APBB2: variants seen among roughly 807,000 people sequenced by gnomAD.
APBB2 encodes amyloid beta precursor protein binding family B member 2.
In APBB2, 38 loss-of-function variants were observed where a neutral mutation model predicts 82.5. The observed-to-expected ratio is 0.46, with a 90% confidence interval of 0.36 to 0.60. The LOEUF (loss-of-function observed/expected upper bound fraction) is 0.60. APBB2 is among the 20% of genes least tolerant of loss of function. The probability of loss-of-function intolerance (pLI) is 0.00; values close to 1 mark genes in which losing one functional copy is unlikely to be tolerated. For synonymous variants in APBB2, 341 were observed against 368.2 expected (o/e 0.93, Z 0.85); for missense variants, 772 against 972.3 (o/e 0.79, Z 2.74).
At chr4:40,888,658 G>A (rs969805247) in intron 12 of APBB2, among the ~76,000 whole-genome samples, 3 of 142,996 alleles carry the variant, frequency 2.1e-5, no homozygotes, top group African/African-American at 5.3e-5. Context: ...CCTCGCACAC[G>A]TATGTAATGT....
Position 40,919,475 on chromosome 4 carries a change from T to C in APBB2, c.1254+14981A>G, listed in dbSNP as rs141755768. Reference sequence around the variant, plus strand: ...GTTTATTGCCAGACATTTCCCACTTTAAATTTCTCTGGAAAAAAAGAAATC... The same window carrying C: ...GTTTATTGCCAGACATTTCCCACTTCAAATTTCTCTGGAAAAAAAGAAATC... On this transcript the variant is annotated intron_variant, in intron 10 of 17. Coordinates refer to ENST00000508593, the MANE Select transcript of APBB2 (RefSeq NM_004307.2). Among the ~76,000 whole-genome samples, 991 of 152,358 alleles carry C rather than the reference T, an allele frequency of 6.5e-3. 16 individuals are homozygous for C. The highest frequency in any genetic ancestry group is 0.023 in the African/African-American group (940 of 41,572).
chr4:41,168,036 C>T (rs1044310402), intron 1 of APBB2, among the ~76,000 whole-genome samples: 4 of 151,898 alleles, frequency 2.6e-5, no homozygotes, highest in African/African-American at 9.7e-5. Context: ...TTTGGGAGGC[C>T]GAGGCGGGCG....
intron 10 of APBB2, among the ~76,000 whole-genome samples, chr4:40,914,080 A>G (rs1205898098): frequency 2.6e-5 from 4 of 152,158 alleles, no homozygotes; most frequent in Non-Finnish European, 1.5e-5. Context: ...TACTAAAAAT[A>G]CAAAAATTGG....
At chr4:41,084,923 T>C (rs1238815233) in intron 3 of APBB2, among the ~76,000 whole-genome samples, 1 of 152,114 alleles carries the variant, frequency 6.6e-6, no homozygotes, top group Non-Finnish European at 1.5e-5. Context: ...AGTCATTAAA[T>C]GATTTGTTTG....
intron 12 of APBB2, among the ~76,000 whole-genome samples, chr4:40,845,622 C>T (rs1390471003): frequency 8.2e-5 from 9 of 109,392 alleles, no homozygotes; most frequent in Non-Finnish European, 1.8e-4. Flanking sequence ...AAAACCAGCA[C>T]ACCAGAATGA....
chr4:41,153,279 TA>T (rs1762724190), intron 1 of APBB2, among the ~76,000 whole-genome samples: 2 of 152,120 alleles, frequency 1.3e-5, no homozygotes, highest in South Asian at 4.1e-4. Flanking sequence ...AGAAATACAT[TA>T]AAAAATGTTT....
In APBB2 at chr4:41,004,285, C is replaced by A. The variant is rs527880966; in HGVS notation, c.835+9298G>T. On this transcript the variant is annotated intron_variant, in intron 6 of 17. Transcript: ENST00000508593. The stretch of plus-strand genomic sequence containing the variant: ...TGTTACACCAGCCGTAAGAAACCAA[C>A]AAAACATCTTAACATCTCCTCCTCT... Among the ~76,000 whole-genome samples the A allele has an allele frequency of 2.3e-4, 35 of 152,288 alleles. 2 individuals carry two copies. In the South Asian group the frequency reaches 7.3e-3, roughly 32 times the overall value.
rs972146006 is a variant in APBB2 at position 40,826,981 on chromosome 4, G to C, written c.1732+151C>G. On this transcript the variant is annotated intron_variant, in intron 14 of 17. Coordinates refer to ENST00000508593, the MANE Select transcript of APBB2 (RefSeq NM_004307.2). The surrounding 1 kb of genome is among the most constrained non-coding windows in gnomAD (Gnocchi z 4.5). ...GATGCAAAATCAACTCTGTGCCTCT[G>C]TGAGACCCAGCGTGCAGGCTCAACT... is the stretch of plus-strand genomic sequence containing the variant. The C allele has an allele frequency of 1.3e-5, 9 of 667,906 alleles. No homozygotes were observed. Among genetic ancestry groups the C allele is most frequent in the Admixed American group, 1.1e-4 (4 of 37,870 alleles). 41.4% of individuals were successfully genotyped at this position (667,906 alleles called of 1,614,324 possible).
At chr4:41,032,131 A>T (rs1717061041) in intron 5 of APBB2, among the ~76,000 whole-genome samples, 1 of 152,234 alleles carries the variant, frequency 6.6e-6, no homozygotes, top group African/African-American at 2.4e-5. Context: ...TGTCATATAA[A>T]GGAGAAAACA....
At chr4:41,155,816 T>C (rs1489074322) in intron 1 of APBB2, among the ~76,000 whole-genome samples, 3 of 152,204 alleles carry the variant, frequency 2.0e-5, no homozygotes, top group South Asian at 2.1e-4. Flanking sequence ...CAGACTAGTA[T>C]AGGGTTTGGC....
intron 1 of APBB2, among the ~76,000 whole-genome samples, chr4:41,189,917 G>A (rs992913756): frequency 6.6e-6 from 1 of 152,164 alleles, no homozygotes; most frequent in Non-Finnish European, 1.5e-5. Context: ...GCACCTGCAC[G>A]TTGCCTCAGC....
At chr4:41,133,772 C>A (rs2154008670) in intron 2 of APBB2, among the ~76,000 whole-genome samples, 1 of 152,270 alleles carries the variant, frequency 6.6e-6, no homozygotes, top group South Asian at 2.1e-4. Context: ...AAATTCTAGG[C>A]AGCTCCCAAA....
chr4:40,823,736 T>C lies in APBB2; in HGVS notation c.1840A>G (p.Ile614Val), dbSNP rs767176375. Residue 614 changes from isoleucine to valine, a missense_variant, in exon 16 of 18, where the codon ATA becomes GTA. Transcript: ENST00000508593. ...PVGMDILNSA[I>V]ENLMTSSNKE... ...TTGGATGAGGTCATAAGATTTTCTA[T>C]GGCACTGTTCAAAATATCCATTCCT... is the stretch of plus-strand genomic sequence containing the variant. The C allele has an allele frequency of 3.1e-6, 5 of 1,613,388 alleles. No individual in the cohort carries two copies. The highest frequency in any genetic ancestry group is 3.4e-6 in the Non-Finnish European group (4 of 1,179,764).
At chr4:40,867,059 A>G (rs1394801043) in intron 12 of APBB2, among the ~76,000 whole-genome samples, 3 of 152,180 alleles carry the variant, frequency 2.0e-5, no homozygotes, top group Non-Finnish European at 4.4e-5. Context: ...CACGGCCGAC[A>G]GTGTCCTTTT....
At chr4:41,209,206 G>C (rs1778712540) in intron 1 of APBB2, among the ~76,000 whole-genome samples, 1 of 152,068 alleles carries the variant, frequency 6.6e-6, no homozygotes, top group Non-Finnish European at 1.5e-5. Flanking sequence ...TATTTCAATG[G>C]GATAACAACT....
At chr4:40,948,102 T>G (rs1257498331) in intron 6 of APBB2, among the ~76,000 whole-genome samples, 1 of 152,182 alleles carries the variant, frequency 6.6e-6, no homozygotes, top group East Asian at 1.9e-4. Context: ...AAAAAAAATA[T>G]AATACAATAA....
intron 6 of APBB2, among the ~76,000 whole-genome samples, chr4:40,979,455 A>C (rs1197127649): frequency 6.6e-6 from 1 of 152,160 alleles, no homozygotes; most frequent in Non-Finnish European, 1.5e-5. Context: ...ACTTATTTTT[A>C]TCTCTGAATT....
At position 40,830,608 on chromosome 4, in the gene APBB2, T is replaced by C. The variant is rs760669581; in HGVS notation, c.1530-31A>G. On this transcript the variant is annotated intron_variant, in intron 12 of 17. Transcript: ENST00000508593. Reference sequence around the variant, plus strand: ...CAAGCAAAATGTATCAGTCCATTAGTAAGAGAAGCTGATTACCAACACATA... The same window carrying C: ...CAAGCAAAATGTATCAGTCCATTAGCAAGAGAAGCTGATTACCAACACATA... The C allele has an allele frequency of 1.8e-5, 24 of 1,340,242 alleles. No individual in the cohort carries two copies. The East Asian group carries it at 5.5e-4, about 31-fold the overall frequency. The allele number at this position is 1,340,242 out of a possible 1,614,324, so 83.0% of individuals were successfully genotyped here. A position where few individuals can be genotyped will look rare whatever the true frequency, so the allele number is the denominator to read the frequency against.
At chr4:40,842,099 A>G (rs1756006108) in intron 12 of APBB2, among the ~76,000 whole-genome samples, 1 of 152,214 alleles carries the variant, frequency 6.6e-6, no homozygotes, top group African/African-American at 2.4e-5. Context: ...TTAGTGAGTG[A>G]CCACATTGGT....
Sources: allele counts gnomAD v4.1 joint callset (sites outside exome capture counted in the v4.1 genomes callset), GRCh38; gene constraint gnomAD v4.1.1; non-coding constraint Gnocchi (gnomAD v3.1); transcripts MANE v1.5; gene names NCBI Gene and HGNC (gene_info 2026-07-23, HGNC 2026-07-21).